Variants in MAF observed in about 807,000 individuals in gnomAD.
MAF encodes transcription factor Maf.
MAF carries 10 observed loss-of-function variants against 22.0 expected under a neutral mutation model. That is an observed-to-expected ratio of 0.45 (90% confidence interval 0.28 to 0.77). The LOEUF is 0.77. Ranked by LOEUF, MAF falls within the 30% of genes least tolerant of loss-of-function variation. The probability of loss-of-function intolerance (pLI) is 0.12; values close to 1 mark genes in which losing one functional copy is unlikely to be tolerated. For missense variants in MAF, 544 were observed against 548.4 expected (o/e 0.99, Z 0.08); for synonymous variants, 337 against 255.8 (o/e 1.32, Z -3.03).
At chr16:79,312,112 AC>A in the MAF span, among the ~76,000 whole-genome samples, 2 of 151,434 alleles carry the variant, frequency 1.3e-5, no homozygotes, top group Admixed American at 6.6e-5. Context: ...CTTCTCTTCT[AC>A]CCCCTTCATC....
chr16:79,442,433 C>T, the MAF span, among the ~76,000 whole-genome samples: 2 of 152,042 alleles, frequency 1.3e-5, no homozygotes, highest in Non-Finnish European at 2.9e-5. Context: ...ATGTAGCAGC[C>T]CAGTTGTGGC....
chr16:79,436,191 T>C, the MAF span, among the ~76,000 whole-genome samples: 1 of 152,170 alleles, frequency 6.6e-6, no homozygotes, highest in Admixed American at 6.5e-5. Context: ...CAAACAATTC[T>C]CATGCCTCAA....
chr16:79,597,657 T>C (rs1482165963), intron 1 of MAF: 1 of 1,020,946 alleles, frequency 9.8e-7, no homozygotes, highest in Non-Finnish European at 1.2e-6. Context: ...ACGGTTGCAC[T>C]GTTTTGTTCT....
chr16:79,270,747 G>A, the MAF span, among the ~76,000 whole-genome samples: 1 of 152,140 alleles, frequency 6.6e-6, no homozygotes, highest in South Asian at 2.1e-4. Context: ...GGCTTGGAAG[G>A]CGATCTCTTC....
At chr16:79,532,002 A>G in the MAF span, among the ~76,000 whole-genome samples, 1 of 152,178 alleles carries the variant, frequency 6.6e-6, no homozygotes, top group Non-Finnish European at 1.5e-5. Flanking sequence ...GTTGCCAGAA[A>G]CAATAGGGAA....
the MAF span, among the ~76,000 whole-genome samples, chr16:79,249,941 G>A: frequency 6.6e-6 from 1 of 152,140 alleles, no homozygotes. Flanking sequence ...TAAATGTATG[G>A]TAAATTAATT....
chr16:79,330,838 G>C, the MAF span, among the ~76,000 whole-genome samples: 1 of 152,228 alleles, frequency 6.6e-6, no homozygotes, highest in East Asian at 1.9e-4. Flanking sequence ...TGGTCACCCA[G>C]TGCCTAGGCA....
At chr16:79,402,867 C>T in the MAF span, among the ~76,000 whole-genome samples, 7 of 152,188 alleles carry the variant, frequency 4.6e-5, no homozygotes, top group Admixed American at 3.3e-4. Context: ...AGGAGGGAAA[C>T]GTCTCAACCC....
the MAF span, among the ~76,000 whole-genome samples, chr16:79,573,026 G>A: frequency 5.3e-4 from 81 of 152,214 alleles, no homozygotes; most frequent in African/African-American, 1.6e-3. Flanking sequence ...TTGTGAGGAA[G>A]GTTGAACATT....
chr16:79,492,270 A>G, the MAF span, among the ~76,000 whole-genome samples: 2 of 152,170 alleles, frequency 1.3e-5, no homozygotes, highest in Non-Finnish European at 2.9e-5. Flanking sequence ...GGGTGAGGTG[A>G]GCGACGCATT....
the MAF span, among the ~76,000 whole-genome samples, chr16:79,311,604 G>A: frequency 1.3e-5 from 2 of 152,084 alleles, no homozygotes; most frequent in East Asian, 1.9e-4. Flanking sequence ...GGAAAGAGAG[G>A]CAGGCAGCCA....
At chr16:79,580,276 T>C in the MAF span, among the ~76,000 whole-genome samples, 31 of 152,304 alleles carry the variant, frequency 2.0e-4, no homozygotes, top group African/African-American at 7.0e-4. Flanking sequence ...TTCATGACCA[T>C]AGCCTTTGTT....
chr16:79,583,485 C>T (rs1174657410), downstream of MAF, among the ~76,000 whole-genome samples: 1 of 152,164 alleles, frequency 6.6e-6, no homozygotes, highest in Non-Finnish European at 1.5e-5. Flanking sequence ...AAGTAAGTGT[C>T]CCACCTGCCC....
chr16:79,212,781 C>CCAGCTTCTT, the MAF span: 1 of 150,772 alleles, frequency 6.6e-6, no homozygotes, highest in African/African-American at 2.4e-5. Context: ...AAGCGCTTCT[C>CCAGCTTCTT]GTAGATGCCA....
the MAF span, among the ~76,000 whole-genome samples, chr16:79,249,216 T>C: frequency 0.012 from 1,847 of 152,100 alleles, 20 homozygotes; most frequent in Non-Finnish European, 0.02. Context: ...GGTCGGGAGT[T>C]CGAGACCAGC....
the MAF span, among the ~76,000 whole-genome samples, chr16:79,252,929 G>A: frequency 2.0e-5 from 3 of 152,168 alleles, no homozygotes; most frequent in East Asian, 1.9e-4. Flanking sequence ...TGGGAACTCC[G>A]TACTTTCCTC....
At chr16:79,562,790 G>C in the MAF span, among the ~76,000 whole-genome samples, 2 of 152,196 alleles carry the variant, frequency 1.3e-5, no homozygotes, top group Non-Finnish European at 2.9e-5. Flanking sequence ...GGAAGATGAA[G>C]AGGAGACATC....
chr16:79,486,672 G>C, the MAF span, among the ~76,000 whole-genome samples: 1 of 152,086 alleles, frequency 6.6e-6, no homozygotes, highest in East Asian at 1.9e-4. Context: ...ATTAATAATT[G>C]GCTTTATGAG....
the MAF span, among the ~76,000 whole-genome samples, chr16:79,360,420 T>A: frequency 6.6e-6 from 1 of 152,132 alleles, no homozygotes; most frequent in Admixed American, 6.6e-5. Context: ...TGAGATTAAA[T>A]CCCAGCTCTA....
Sources: allele counts gnomAD v4.1 joint callset (sites outside exome capture counted in the v4.1 genomes callset), GRCh38; gene constraint gnomAD v4.1.1; transcripts MANE v1.5; gene names NCBI Gene and HGNC (gene_info 2026-07-23, HGNC 2026-07-21).